The following CFAP70 variants were observed in gnomAD, a reference collection of about 807,000 sequenced individuals.
CFAP70 encodes the protein cilia and flagella associated protein 70, also known as cilia- and flagella-associated protein 70.
CFAP70 carries 81 observed loss-of-function variants against 137.6 expected under a neutral mutation model. That is an observed-to-expected ratio of 0.59 (90% CI 0.49 to 0.71). The LOEUF is 0.71. CFAP70 is among the 30% of genes least tolerant of loss of function. CFAP70 has a pLI of 0.00. For missense variants in CFAP70, 976 were observed against 1,226.7 expected (o/e 0.80, Z 3.05); for synonymous variants, 382 against 423.6 (o/e 0.90, Z 1.20).
Position 73,332,693 on chromosome 10 carries a change from T to A in CFAP70, c.678-1417A>T, listed in dbSNP as rs117548087. On this transcript the variant is annotated intron_variant, in intron 7 of 26. Transcript: ENST00000310715. ...TCTATTAGAGAAGTTCTTGGGCAAA[T>A]CCAAAGACAACAGGGGAGGTGGGGG... Among the ~76,000 whole-genome samples the A allele has an allele frequency of 9.4e-3, 1,429 of 152,048 alleles. 15 individuals are homozygous for A. The highest frequency in any genetic ancestry group is 0.015 in the Non-Finnish European group (1,027 of 67,964).
At chr10:73,345,384 T>C in intron 4 of CFAP70, 140 bp from the exon 6 acceptor site, 1 of 775,778 alleles carries the variant, frequency 1.3e-6, no homozygotes, top group Non-Finnish European at 2.0e-6. Context: ...AACCATGTTC[T>C]CTAAGTCCCA....
intron 3 of CFAP70, among the ~76,000 whole-genome samples, chr10:73,350,016 A>G (rs970793584): frequency 1.3e-5 from 2 of 152,204 alleles, no homozygotes; most frequent in Non-Finnish European, 2.9e-5. Context: ...CCTAGTGTCC[A>G]GTTTATATTT....
At chr10:73,350,034 C>T (rs1204593836) in intron 3 of CFAP70, among the ~76,000 whole-genome samples, 1 of 152,154 alleles carries the variant, frequency 6.6e-6, no homozygotes, top group Non-Finnish European at 1.5e-5. Context: ...TTTAACATTT[C>T]CCAATTATCC....
chr10:73,271,234 G>A (rs779745762), intron 24 of CFAP70, among the ~76,000 whole-genome samples: 30 of 152,166 alleles, frequency 2.0e-4, no homozygotes, highest in Non-Finnish European at 3.8e-4. Context: ...AACACAGGCC[G>A]GGTGCGGTGG....
At chr10:73,329,225 C>A (rs944690993) in intron 8 of CFAP70, among the ~76,000 whole-genome samples, 1 of 152,054 alleles carries the variant, frequency 6.6e-6, no homozygotes, top group Admixed American at 6.6e-5. Context: ...TCACTCTCAG[C>A]AAACTATTGC....
At chr10:73,362,346 T>C (rs1351922939), upstream of CFAP70, among the ~76,000 whole-genome samples, 3 of 152,196 alleles carry the variant, frequency 2.0e-5, no homozygotes, top group South Asian at 2.1e-4. Flanking sequence ...GCAATATTGA[T>C]AGAGATTGTG....
At chr10:73,334,584 CTTT>C (rs58264194) in intron 7 of CFAP70, among the ~76,000 whole-genome samples, 2 of 142,300 alleles carry the variant, frequency 1.4e-5, no homozygotes, top group African/African-American at 5.2e-5. Context: ...ATTCTGGACT[CTTT>C]TTTTTTTTTT....
At chr10:73,320,766 C>G (rs1311203636) in intron 9 of CFAP70, among the ~76,000 whole-genome samples, 1 of 151,538 alleles carries the variant, frequency 6.6e-6, no homozygotes, top group Non-Finnish European at 1.5e-5. Flanking sequence ...TTCCCAGGTT[C>G]GAGCAATTCT....
At chr10:73,302,532 G>A (rs1171786009) in intron 12 of CFAP70, among the ~76,000 whole-genome samples, 1 of 152,120 alleles carries the variant, frequency 6.6e-6, no homozygotes, top group African/African-American at 2.4e-5. Flanking sequence ...TATTTAGATA[G>A]CATTACCAAA....
intron 9 of CFAP70, among the ~76,000 whole-genome samples, chr10:73,314,625 T>C (rs1244827477): frequency 6.6e-6 from 1 of 152,162 alleles, no homozygotes; most frequent in Non-Finnish European, 1.5e-5. Context: ...TTTATTTATT[T>C]GAGACAGAGT....
chr10:73,317,401 C>T (rs1031277803), intron 9 of CFAP70, among the ~76,000 whole-genome samples: 1 of 152,150 alleles, frequency 6.6e-6, no homozygotes, highest in African/African-American at 2.4e-5. Flanking sequence ...TGCCTTCTGG[C>T]TTCCATTGTT....
intron 13 of CFAP70, 41 bp downstream of exon 14, chr10:73,299,564 T>C: frequency 6.4e-7 from 1 of 1,565,120 alleles, no homozygotes; most frequent in Non-Finnish European, 8.8e-7. Flanking sequence ...ATGCACTCAA[T>C]ATCTTATTAC....
intron 25 of CFAP70, among the ~76,000 whole-genome samples, chr10:73,267,459 T>C (rs1355557669): frequency 6.6e-6 from 1 of 152,194 alleles, no homozygotes; most frequent in African/African-American, 2.4e-5. Flanking sequence ...TTGCACCATA[T>C]TCTACTGGTC....
intron 25 of CFAP70, among the ~76,000 whole-genome samples, chr10:73,258,702 C>G (rs946570282): frequency 6.6e-6 from 1 of 152,198 alleles, no homozygotes. Flanking sequence ...CAGCAAGGAA[C>G]AGCCCTGAGA....
At chr10:73,290,386 G>A (rs113596904) in intron 19 of CFAP70, among the ~76,000 whole-genome samples, 2 of 152,122 alleles carry the variant, frequency 1.3e-5, no homozygotes, top group African/African-American at 4.8e-5. Context: ...ACTAGTAGTT[G>A]TCTGGAAATG....
In CFAP70 at chr10:73,299,205, T is replaced by TTTGC. The variant is rs781484867; in HGVS notation, c.1318-105_1318-104insGCAA. On this transcript the variant is annotated intron_variant, in intron 13 of 26. Transcript: ENST00000310715. ...TTTATGTTCCATGATACTTTATTAG[T>TTTGC]TTGTTTGTTTGTTTGTTTGTTTTAG... 9.4e-5 allele frequency: 71 copies of TTTGC among 758,116 alleles called. 1 individual carries two copies. The highest frequency in any genetic ancestry group is 3.0e-4 in the Admixed American group (10 of 33,430). 47.0% of individuals were successfully genotyped at this position (758,116 alleles called of 1,614,324 possible).
intron 1 of CFAP70, among the ~76,000 whole-genome samples, chr10:73,356,207 CT>C (rs565816984): frequency 9.2e-4 from 131 of 141,892 alleles, no homozygotes; most frequent in Middle Eastern, 3.6e-3. Context: ...TCCTTCCTTC[CT>C]TTTTTTTTTT....
At chr10:73,259,884 A>C (rs959393369) in intron 25 of CFAP70, among the ~76,000 whole-genome samples, 7 of 151,868 alleles carry the variant, frequency 4.6e-5, no homozygotes, top group Non-Finnish European at 1.0e-4. Context: ...TGAAAAAATT[A>C]GGCATGGTGG....
At chr10:73,278,383 G>C (rs760524704) in intron 19 of CFAP70, 46 bp from the exon 21 acceptor site, 71 of 1,499,814 alleles carry the variant, frequency 4.7e-5, no homozygotes, top group Non-Finnish European at 4.8e-5. Context: ...CTTACATTGG[G>C]TGTTTAAAGG....
Sources: gnomAD v4.1 joint callset for allele counts (sites outside exome capture counted in the v4.1 genomes callset) on GRCh38, gnomAD v4.1.1 for gene constraint, MANE v1.5 for transcripts, NCBI Gene and HGNC (gene_info 2026-07-23, HGNC 2026-07-21) for gene names.